MYH14: variants seen among roughly 807,000 people sequenced by gnomAD.
MYH14 encodes myosin-14.
In MYH14, 123 loss-of-function variants were observed where a neutral mutation model predicts 255.5. The ratio of observed to expected loss-of-function variants is 0.48; its 90% confidence interval spans 0.42 to 0.56. MYH14 has a LOEUF of 0.56. Ranked by LOEUF, MYH14 falls within the 20% of genes least tolerant of loss-of-function variation. The pLI, the probability that MYH14 is intolerant of heterozygous loss-of-function variation, is 0.00. For synonymous variants in MYH14, 1,095 were observed against 1,161.2 expected, an observed-to-expected ratio of 0.94 and a Z score of 1.16; for missense variants, 2,423 against 2,802.3, an observed-to-expected ratio of 0.86 and a Z score of 3.06.
intron 11 of MYH14, 102 bp from the exon 12 acceptor site, chr19:50,246,902 C>A: frequency 1.3e-6 from 1 of 774,374 alleles, no homozygotes; most frequent in Non-Finnish European, 2.1e-6. Flanking sequence ...CGGGGCCCGT[C>A]TTCTGCTCCC....
chr19:50,257,362 C>A lies in MYH14; in HGVS notation c.2108C>A (p.Pro703His), dbSNP rs1371867876. 1 of 1,608,720 alleles carries A rather than the reference C, an allele frequency of 6.2e-7. No individual in the cohort carries two copies. Among genetic ancestry groups the A allele is most frequent in the Admixed American group, 1.7e-5 (1 of 59,318 alleles). ...SLGDGPPGGR[P>H]RRGMFRTVGQ... ...GGCGACGGCCCACCAGGTGGCCGCC[C>A]CCGTCGGGGTATGTTCCGGACAGTG... Residue 703 changes from proline to histidine, a missense_variant, in exon 18 of 43, where the codon CCC (proline) becomes CAC (histidine). Pro to His is a moderately conservative substitution (Grantham distance 77). Coordinates refer to ENST00000642316, the MANE Select transcript of MYH14 (RefSeq NM_001145809.2).
intron 21 of MYH14, 26 bp from the exon 22 acceptor site, chr19:50,263,286 T>C: frequency 2.0e-6 from 3 of 1,466,890 alleles, no homozygotes; most frequent in Non-Finnish European, 2.8e-6. Flanking sequence ...GCTCCCACTC[T>C]GCCCCTCACC....
At chr19:50,286,745 A>G in intron 34 of MYH14, 51 bp downstream of exon 34, 1 of 1,468,794 alleles carries the variant, frequency 6.8e-7, no homozygotes, top group Non-Finnish European at 9.3e-7. Flanking sequence ...GGAGACACGT[A>G]CATGCATGTA....
chr19:50,206,272 C>G lies in MYH14; in HGVS notation c.-4+2601C>G, dbSNP rs945953377. Among the ~76,000 whole-genome samples, 6 of 151,950 alleles carry G rather than the reference C, an allele frequency of 3.9e-5. No individual in the cohort carries two copies. The South Asian group carries it at 1.0e-3, about 26-fold the overall frequency. On this transcript the variant is annotated intron_variant, in intron 1 of 42. Transcript: ENST00000642316. ...GAGAGGAGGAGGCTGGGAGCTCGGA[C>G]TCCTCAGCCTGGGGAAGGAAAGGGC...
At chr19:50,246,129 T>TTCCC (rs1395859829) in intron 11 of MYH14, among the ~76,000 whole-genome samples, 2 of 121,904 alleles carry the variant, frequency 1.6e-5, no homozygotes, top group African/African-American at 3.1e-5. Context: ...CCTTCCTTCC[T>TTCCC]TCCCTCCTTC....
chr19:50,277,776 G>T, intron 29 of MYH14, among the ~76,000 whole-genome samples: 1 of 152,090 alleles, frequency 6.6e-6, no homozygotes, highest in Non-Finnish European at 1.5e-5. Flanking sequence ...AATTAGCCGG[G>T]CGTGGTGGTG....
At chr19:50,260,898 T>C (rs545390278) in intron 20 of MYH14, among the ~76,000 whole-genome samples, 183 bp downstream of exon 20, 3 of 151,782 alleles carry the variant, frequency 2.0e-5, no homozygotes, top group East Asian at 1.9e-4. Context: ...TGTGTGTGTG[T>C]GCATGCGTTT....
intron 22 of MYH14, 150 bp downstream of exon 22, chr19:50,263,570 C>T: frequency 2.1e-6 from 1 of 483,592 alleles, no homozygotes; most frequent in Non-Finnish European, 3.6e-6. Flanking sequence ...AGCTGGGATT[C>T]TTTAGTTAGC....
At chr19:50,275,684 G>A (rs1217490432) in intron 27 of MYH14, among the ~76,000 whole-genome samples, 2 of 152,148 alleles carry the variant, frequency 1.3e-5, no homozygotes, top group East Asian at 3.8e-4. Context: ...AGATTAGCCA[G>A]GCATAGTGGA....
In MYH14 at chr19:50,249,944, G is replaced by A. The variant is rs2034300587; in HGVS notation, c.1656+121G>A. ...TCAGGATGCCCCATGGGTTCTGTGG[G>A]GAAGGTGACAGCACCTGCTTCCTCG... On this transcript the variant is annotated intron_variant, in intron 14 of 42. Coordinates refer to ENST00000642316, the MANE Select transcript of MYH14 (RefSeq NM_001145809.2). 3 of 1,262,502 alleles carry A rather than the reference G, an allele frequency of 2.4e-6. No homozygotes were observed. The South Asian group carries it at 4.2e-5, about 18-fold the overall frequency. 78.2% of individuals were successfully genotyped at this position (1,262,502 alleles called of 1,614,324 possible).
In MYH14 at chr19:50,309,055, G is replaced by A. The variant is rs762488831; in HGVS notation, c.5838G>A (p.Glu1946=). ...RVKQLKRQLE[E]AEEEASRAQA... is the part of the protein sequence containing the mutation. The stretch of plus-strand genomic sequence containing the variant: ...AGCAGCTGAAGCGGCAGCTGGAGGA[G>A]GCCGAGGAGGAGGCATCCCGGGCTC... The change falls in exon 42 of 43, where the codon GAG becomes GAA. Residue 1946 remains glutamate, a synonymous_variant. Coordinates refer to ENST00000642316, the MANE Select transcript of MYH14 (RefSeq NM_001145809.2). 20 of 1,613,654 alleles carry A rather than the reference G, an allele frequency of 1.2e-5. No homozygotes were observed. In the East Asian group the frequency reaches 2.9e-4, roughly 23 times the overall value.
At chr19:50,269,957 T>A (rs2035232136) in intron 24 of MYH14, among the ~76,000 whole-genome samples, 1 of 152,214 alleles carries the variant, frequency 6.6e-6, no homozygotes, top group Non-Finnish European at 1.5e-5. Context: ...CTAGGTGCAG[T>A]GGCTCAATGT....
intron 5 of MYH14, 102 bp from the exon 6 acceptor site, chr19:50,224,052 A>ACCCCCCCCC: frequency 2.8e-6 from 1 of 362,146 alleles, no homozygotes; most frequent in Non-Finnish European, 4.5e-6. Context: ...CCCTTCCCCC[A>ACCCCCCCCC]CCCCCCATGC....
At chr19:50,246,184 G>A (rs1225699992) in intron 11 of MYH14, among the ~76,000 whole-genome samples, 4 of 142,474 alleles carry the variant, frequency 2.8e-5, no homozygotes, top group African/African-American at 1.1e-4. Context: ...GTCTCGCCCA[G>A]ACTGGAGTGC....
At chr19:50,277,958 G>T in intron 29 of MYH14, 125 bp from the exon 30 acceptor site, 1 of 609,860 alleles carries the variant, frequency 1.6e-6, no homozygotes, top group Non-Finnish European at 2.5e-6. Flanking sequence ...TGAGCTATTT[G>T]TTCACTGGGA....
Position 50,293,567 on chromosome 19 carries a change from A to G in MYH14, c.5349A>G (p.Ala1783=). Residue 1783 remains alanine, a synonymous_variant, in exon 39 of 43, where the codon GCA becomes GCG. Transcript: ENST00000642316. This position sits in a 1 kb window ranked among gnomAD's most constrained non-coding sequence, Gnocchi z 4.1. ...DEVANGNLSK[A]AILEEKRQLE... ...CCACGCCTTCCTGTCTCCCTAGGGC[A>G]GCCATTCTGGAGGAGAAGCGTCAGC... The G allele has an allele frequency of 6.2e-7, 1 of 1,612,912 alleles. No homozygotes were observed. Among genetic ancestry groups the G allele is most frequent in the Non-Finnish European group, 8.5e-7 (1 of 1,179,478 alleles).
rs144789292 is a variant in MYH14 at position 50,260,350 on chromosome 19, G to A, written c.2355-296G>A. On this transcript the variant is annotated intron_variant, in intron 19 of 42. Transcript: ENST00000642316. Reference sequence around the variant, plus strand: ...TGAGGCAAGAGAATCGCTTGAACCTGGGAGGCGGAGGTCGCAGTGAGGCAA... The same window carrying A: ...TGAGGCAAGAGAATCGCTTGAACCTAGGAGGCGGAGGTCGCAGTGAGGCAA... 7.3e-3 allele frequency among the ~76,000 whole-genome samples: 1,115 copies of A among 152,270 alleles called. 13 individuals are homozygous for A. The highest frequency in any genetic ancestry group is 7.0e-3 in the Non-Finnish European group (479 of 68,026).
chr19:50,228,843 T>C (rs1384361154), intron 8 of MYH14, among the ~76,000 whole-genome samples: 2 of 152,198 alleles, frequency 1.3e-5, no homozygotes, highest in East Asian at 1.9e-4. Context: ...CACCAGTGGA[T>C]TGATGCTCAT....
rs745614655 is a variant in MYH14 at position 50,261,481 on chromosome 19, G to C, written c.2431G>C (p.Ala811Pro). The change falls in exon 21 of 43, where the codon GCG becomes CCG. Residue 811 changes from alanine to proline, a missense_variant. Coordinates refer to ENST00000642316, the MANE Select transcript of MYH14 (RefSeq NM_001145809.2). Reference protein sequence around the residue: ...GKQACEKMIQALELDPNLYRV... With the variant: ...GKQACEKMIQPLELDPNLYRV... ...CCTCTCCCACCCCTCACAGATCCAG[G>C]CGCTGGAACTGGACCCCAACCTCTA... The C allele has an allele frequency of 4.4e-5, 63 of 1,434,420 alleles. No individual in the cohort carries two copies. The highest frequency in any genetic ancestry group is 5.8e-5 in the Non-Finnish European group (63 of 1,095,030). 88.9% of individuals were successfully genotyped at this position (1,434,420 alleles called of 1,614,324 possible). A position where few individuals can be genotyped will look rare whatever the true frequency, so the allele number is the denominator to read the frequency against.
Sources: gnomAD v4.1 joint callset for allele counts (sites outside exome capture counted in the v4.1 genomes callset) on GRCh38, gnomAD v4.1.1 for gene constraint, Gnocchi (gnomAD v3.1) non-coding constraint, MANE v1.5 for transcripts, NCBI Gene and HGNC (gene_info 2026-07-23, HGNC 2026-07-21) for gene names.